The following RTKN2 variants were observed in gnomAD, a reference collection of about 807,000 sequenced individuals.
RTKN2 encodes the protein rhotekin-2.
Under a neutral mutation model 71.5 loss-of-function variants are expected in RTKN2, and 69 were observed. The ratio of observed to expected loss-of-function variants is 0.96; its 90% CI spans 0.79 to 1.18. The LOEUF is 1.18. Among genes scored for constraint, RTKN2 ranks in the 50% most tolerant of loss-of-function variants. The pLI is 0.00. For missense variants in RTKN2, 724 were observed against 719.7 expected, an observed-to-expected ratio of 1.01 and a Z score of -0.07; for synonymous variants, 236 against 236.5, an observed-to-expected ratio of 1.00 and a Z score of 0.02.
chr10:62,244,422 A>G (rs1174541601), intron 3 of RTKN2, among the ~76,000 whole-genome samples: 1 of 152,160 alleles, frequency 6.6e-6, no homozygotes, highest in Non-Finnish European at 1.5e-5. Flanking sequence ...AAATACTTTT[A>G]CTTGAGCCTC....
At chr10:62,216,169 C>T (rs1435516538) in intron 9 of RTKN2, among the ~76,000 whole-genome samples, 12 of 151,838 alleles carry the variant, frequency 7.9e-5, no homozygotes, top group Admixed American at 2.6e-4. Flanking sequence ...CTGGTACCCA[C>T]GCGTTTTCAG....
At chr10:62,218,329 ATC>A in intron 7 of RTKN2, 28 bp from the exon 8 acceptor site, 1 of 1,054,052 alleles carries the variant, frequency 9.5e-7, no homozygotes, top group Non-Finnish European at 1.4e-6. Context: ...AAAAAAAAAA[ATC>A]AAGTTATAAA....
chr10:62,189,800 G>C (rs1305093610), downstream of RTKN2, among the ~76,000 whole-genome samples: 1 of 152,036 alleles, frequency 6.6e-6, no homozygotes, highest in Non-Finnish European at 1.5e-5. Context: ...CTGTAGTCCA[G>C]GCTGGGCAAC....
rs1564536388 is a variant in RTKN2 at position 62,268,755 on chromosome 10, G to A, written c.-145C>T. 1.6e-5 allele frequency: 13 copies of A among 820,594 alleles called. 1 individual carries two copies. The South Asian group carries it at 2.2e-4, about 14-fold the overall frequency. 50.8% of individuals were successfully genotyped at this position (820,594 alleles called of 1,614,324 possible). ...GGGCCGGGGGCGCAGGAGGAGCCGG[G>A]CCGAAGCGCACGCGCAGTGGGCGCG... On this transcript the variant is annotated 5_prime_UTR_variant, in exon 1 of 12. Coordinates refer to ENST00000373789, the MANE Select transcript of RTKN2 (RefSeq NM_145307.4).
intron 3 of RTKN2, among the ~76,000 whole-genome samples, chr10:62,242,489 A>G (rs1476540004): frequency 6.6e-6 from 1 of 151,994 alleles, no homozygotes; most frequent in Non-Finnish European, 1.5e-5. Context: ...CTAATTAGTT[A>G]TTGTTGATTT....
intron 8 of RTKN2, among the ~76,000 whole-genome samples, chr10:62,185,709 A>C (rs1365136968): frequency 6.6e-6 from 1 of 152,210 alleles, no homozygotes; most frequent in African/African-American, 2.4e-5. Flanking sequence ...TGGTTCCTTT[A>C]GGAAGAGACC....
intron 7 of RTKN2, 134 bp from the exon 8 acceptor site, chr10:62,218,435 T>C (rs1286480412): frequency 3.4e-6 from 2 of 583,022 alleles, no homozygotes; most frequent in Non-Finnish European, 5.9e-6. Context: ...ATTAGTTTCA[T>C]GTAAAGATTC....
chr10:62,239,864 ATTC>A (rs1842337714), intron 4 of RTKN2, 99 bp from the exon 5 acceptor site: 3 of 674,956 alleles, frequency 4.4e-6, no homozygotes, highest in Non-Finnish European at 7.9e-6. Flanking sequence ...TTATTAATAG[ATTC>A]TTTTCATACA....
At chr10:62,258,676 T>G (rs1238359070) in intron 2 of RTKN2, among the ~76,000 whole-genome samples, 2 of 152,238 alleles carry the variant, frequency 1.3e-5, no homozygotes, top group Non-Finnish European at 2.9e-5. Flanking sequence ...CAAGATTTTT[T>G]TAATTCCAGA....
intron 5 of RTKN2, among the ~76,000 whole-genome samples, chr10:62,237,908 T>G (rs759840998): frequency 1.3e-5 from 2 of 151,718 alleles, no homozygotes; most frequent in Non-Finnish European, 3.0e-5. Context: ...TTTTAGCAAA[T>G]GTTAAGATTG....
At chr10:62,213,447 AG>A (rs1157381455) in intron 9 of RTKN2, among the ~76,000 whole-genome samples, 3 of 152,192 alleles carry the variant, frequency 2.0e-5, no homozygotes, top group African/African-American at 7.2e-5. Context: ...TTTACAAATT[AG>A]AAGAATTGTC....
At chr10:62,219,315 A>G (rs4586044) in intron 7 of RTKN2, among the ~76,000 whole-genome samples, 111,427 of 152,004 alleles carry the variant, frequency 0.73, 41,107 homozygotes, top group East Asian at 0.9. Context: ...GGTAAAAGAG[A>G]TATGCCTGGG....
chr10:62,217,622 CA>C (rs1841803734), intron 8 of RTKN2, among the ~76,000 whole-genome samples: 1 of 152,256 alleles, frequency 6.6e-6, no homozygotes, highest in Admixed American at 6.5e-5. Flanking sequence ...TCTGTATGTT[CA>C]AAATATTATT....
intron 4 of RTKN2, among the ~76,000 whole-genome samples, chr10:62,240,343 T>A (rs1842349369): frequency 6.6e-6 from 1 of 151,944 alleles, no homozygotes; most frequent in Non-Finnish European, 1.5e-5. Flanking sequence ...TTAAAAAGTA[T>A]TAGGTGATTA....
intron 2 of RTKN2, 117 bp from the exon 3 acceptor site, chr10:62,246,174 C>T (rs1842476052): frequency 1.6e-6 from 1 of 626,488 alleles, no homozygotes; most frequent in African/African-American, 1.9e-5. Flanking sequence ...ATAATAATGA[C>T]TTCCAGTTAA....
At chr10:62,236,306 A>G in intron 5 of RTKN2, 43 bp from the exon 6 acceptor site, 1 of 1,268,992 alleles carries the variant, frequency 7.9e-7, no homozygotes, top group Non-Finnish European at 1.1e-6. Flanking sequence ...TTAACTCAGT[A>G]GAAAATAAAA....
At chr10:62,259,130 G>A in intron 2 of RTKN2, 1 of 435,638 alleles carries the variant, frequency 2.3e-6, no homozygotes, top group South Asian at 1.7e-5. Context: ...CCCAAGATCT[G>A]ATGGTTTTAT....
chr10:62,229,655 G>A (rs1211701124), intron 6 of RTKN2, among the ~76,000 whole-genome samples: 2 of 152,166 alleles, frequency 1.3e-5, no homozygotes, highest in Non-Finnish European at 2.9e-5. Context: ...GTGTGCACAG[G>A]AAGAAACTAT....
intron 3 of RTKN2, among the ~76,000 whole-genome samples, chr10:62,241,858 C>G (rs1035059473): frequency 4.6e-5 from 7 of 152,226 alleles, no homozygotes; most frequent in Non-Finnish European, 1.0e-4. Flanking sequence ...GCCACCACGC[C>G]TGGCTAATTT....
Sources: gnomAD v4.1 joint callset for allele counts (sites outside exome capture counted in the v4.1 genomes callset) on GRCh38, gnomAD v4.1.1 for gene constraint, MANE v1.5 for transcripts, NCBI Gene and HGNC (gene_info 2026-07-23, HGNC 2026-07-21) for gene names.